Variants in PTGER3 observed in about 807,000 individuals in gnomAD.
PTGER3 encodes prostaglandin E receptor 3.
In PTGER3, 22 loss-of-function variants were observed where a neutral mutation model predicts 34.7. That is an observed-to-expected ratio of 0.63 (90% CI 0.45 to 0.91). PTGER3 has a LOEUF of 0.91. Among genes scored for constraint, PTGER3 ranks in the 40% least tolerant of loss-of-function variants. The probability of loss-of-function intolerance (pLI) is 0.00; values close to 1 mark genes in which losing one functional copy is unlikely to be tolerated. For synonymous variants in PTGER3, 241 were observed against 230.1 expected (o/e 1.05, Z -0.43); for missense variants, 468 against 519.4 (o/e 0.90, Z 0.96).
At chr1:70,963,673 C>A (rs1459137465) in intron 2 of PTGER3, among the ~76,000 whole-genome samples, 3 of 152,086 alleles carry the variant, frequency 2.0e-5, no homozygotes, top group Non-Finnish European at 4.4e-5. Flanking sequence ...AGCAGGGGGA[C>A]CCAGGAATCC....
rs1328748719 is a variant in PTGER3 at position 70,924,287 on chromosome 1, A to G, written c.*23+29476T>C. Reference sequence around the variant, plus strand: ...CTTTATACAAATAATCAGGCCAAATATAATAAAGCAAATCAATCTTACCAT... The same window carrying G: ...CTTTATACAAATAATCAGGCCAAATGTAATAAAGCAAATCAATCTTACCAT... On this transcript the variant is annotated intron_variant, in intron 4 of 4. Transcript: ENST00000370931. Among the ~76,000 whole-genome samples, 3 of 152,340 alleles carry G rather than the reference A, an allele frequency of 2.0e-5. No homozygotes were observed. The East Asian group carries it at 5.8e-4, about 29-fold the overall frequency.
At chr1:70,928,632 G>GAAAAC (rs1648375365) in intron 4 of PTGER3, among the ~76,000 whole-genome samples, 1 of 151,858 alleles carries the variant, frequency 6.6e-6, no homozygotes, top group African/African-American at 2.4e-5. Context: ...AACCCCGTCT[G>GAAAAC]AAAACAAAAC....
intron 4 of PTGER3, among the ~76,000 whole-genome samples, chr1:70,859,996 C>A (rs1354830978): frequency 6.6e-6 from 1 of 150,564 alleles, no homozygotes; most frequent in Non-Finnish European, 1.5e-5. Flanking sequence ...GTGACCTAGA[C>A]TATGCGTTTT....
intron 1 of PTGER3, among the ~76,000 whole-genome samples, chr1:71,019,470 G>A (rs1206428931): frequency 2.0e-5 from 3 of 152,110 alleles, no homozygotes; most frequent in Admixed American, 2.0e-4. Context: ...AGCAGTAATA[G>A]AGAGCTTCTT....
intron 1 of PTGER3, among the ~76,000 whole-genome samples, chr1:71,046,136 T>A (rs1315847601): frequency 6.7e-6 from 1 of 149,408 alleles, no homozygotes; most frequent in Non-Finnish European, 1.5e-5. Context: ...AAAAAAAAAA[T>A]TAGCCGGGCG....
chr1:71,020,685 G>A (rs1472265300), intron 1 of PTGER3, among the ~76,000 whole-genome samples: 1 of 148,358 alleles, frequency 6.7e-6, no homozygotes, highest in Non-Finnish European at 1.5e-5. Flanking sequence ...AAGCTTTGGT[G>A]TATGTTAGCA....
intron 4 of PTGER3, among the ~76,000 whole-genome samples, chr1:70,916,964 G>T (rs1228829589): frequency 1.3e-5 from 2 of 151,916 alleles, no homozygotes; most frequent in Non-Finnish European, 2.9e-5. Flanking sequence ...ATGTATACAT[G>T]ATATAACGGT....
intron 1 of PTGER3, among the ~76,000 whole-genome samples, chr1:71,036,178 A>G (rs945763684): frequency 6.6e-6 from 1 of 152,126 alleles, no homozygotes; most frequent in Non-Finnish European, 1.5e-5. Context: ...CCCACACAAC[A>G]CTCTGTGGTC....
At chr1:70,991,904 A>G (rs570466556) in intron 2 of PTGER3, among the ~76,000 whole-genome samples, 1 of 152,314 alleles carries the variant, frequency 6.6e-6, no homozygotes, top group African/African-American at 2.4e-5. Flanking sequence ...CTTAGATTAT[A>G]GGTCTTATGG....
chr1:71,026,836 C>A (rs1557755187), intron 1 of PTGER3, among the ~76,000 whole-genome samples: 1 of 152,000 alleles, frequency 6.6e-6, no homozygotes, highest in Non-Finnish European at 1.5e-5. Flanking sequence ...ATAACTTTTT[C>A]TCTGTATTCT....
At chr1:70,931,957 C>A (rs535632211) in intron 4 of PTGER3, among the ~76,000 whole-genome samples, 2 of 152,196 alleles carry the variant, frequency 1.3e-5, no homozygotes, top group Non-Finnish European at 2.9e-5. Flanking sequence ...CATTGTCAGG[C>A]TACAACTTTT....
chr1:70,891,605 T>C (rs1646619340), intron 4 of PTGER3, among the ~76,000 whole-genome samples: 1 of 152,132 alleles, frequency 6.6e-6, no homozygotes, highest in South Asian at 2.1e-4. Context: ...GGTATGGAAA[T>C]GGTCAGTGTC....
chr1:71,033,309 C>T (rs868760161), intron 1 of PTGER3, among the ~76,000 whole-genome samples: 1 of 152,206 alleles, frequency 6.6e-6, no homozygotes. Flanking sequence ...TCACTCCAAT[C>T]CCAGTTGTCA....
At chr1:70,972,899 T>G (rs113975250) in intron 3 of PTGER3, among the ~76,000 whole-genome samples, 8 of 152,136 alleles carry the variant, frequency 5.3e-5, no homozygotes, top group Non-Finnish European at 1.2e-4. Context: ...TTTAGTAAGC[T>G]ATTTTTCTTT....
intron 4 of PTGER3, among the ~76,000 whole-genome samples, chr1:70,941,915 C>T (rs550877348): frequency 9.9e-5 from 15 of 152,174 alleles, no homozygotes; most frequent in East Asian, 3.9e-4. Flanking sequence ...TAATCACGAC[C>T]GTCCTCCTTA....
At chr1:71,046,647 C>T in intron 1 of PTGER3, 34 bp downstream of exon 1, 1 of 1,513,754 alleles carries the variant, frequency 6.6e-7, no homozygotes, top group Non-Finnish European at 8.8e-7. Flanking sequence ...CTCGCACACG[C>T]ATCCTGACTT....
intron 3 of PTGER3, among the ~76,000 whole-genome samples, chr1:70,973,218 AGAT>A (rs764767964): frequency 1.0e-4 from 10 of 100,476 alleles, no homozygotes; most frequent in Middle Eastern, 4.6e-3. Context: ...ATAGATAGAT[AGAT>A]GATAGATAGA....
chr1:70,931,909 G>A (rs1323593240), intron 4 of PTGER3, among the ~76,000 whole-genome samples: 1 of 152,148 alleles, frequency 6.6e-6, no homozygotes, highest in Non-Finnish European at 1.5e-5. Context: ...CAGCCAGCTT[G>A]AGTTTCTCCT....
At chr1:70,944,929 TTCATTGTA>T (rs1423434817) in intron 4 of PTGER3, among the ~76,000 whole-genome samples, 1 of 152,120 alleles carries the variant, frequency 6.6e-6, no homozygotes, top group Non-Finnish European at 1.5e-5. Flanking sequence ...ATTTTCCCTC[TTCATTGTA>T]GTATCTCCAT....
Sources: gnomAD v4.1 joint callset for allele counts (sites outside exome capture counted in the v4.1 genomes callset) on GRCh38, gnomAD v4.1.1 for gene constraint, MANE v1.5 for transcripts, NCBI Gene and HGNC (gene_info 2026-07-23, HGNC 2026-07-21) for gene names.